GRHL2: variants seen among roughly 807,000 people sequenced by gnomAD.
GRHL2 encodes the protein grainyhead-like protein 2 homolog.
In GRHL2, 21 loss-of-function variants were observed where a neutral mutation model predicts 83.8. That is an observed-to-expected ratio of 0.25 (90% CI 0.18 to 0.36). The LOEUF (loss-of-function observed/expected upper bound fraction) is 0.36, where lower values mean the gene tolerates loss of function less well. Ranked by LOEUF, GRHL2 falls within the 10% of genes least tolerant of loss-of-function variation. The pLI is 1.00. For missense variants in GRHL2, 623 were observed against 781.8 expected, an observed-to-expected ratio of 0.80 and a Z score of 2.42; for synonymous variants, 280 against 278.9, an observed-to-expected ratio of 1.00 and a Z score of -0.04.
At chr8:101,520,273 A>G (rs112459197) in intron 1 of GRHL2, among the ~76,000 whole-genome samples, 8 of 152,358 alleles carry the variant, frequency 5.3e-5, no homozygotes, top group African/African-American at 1.9e-4. Flanking sequence ...TGATTCACGT[A>G]GTATGTGAGG....
chr8:101,644,475 C>T (rs575376937), intron 13 of GRHL2, among the ~76,000 whole-genome samples: 1 of 152,228 alleles, frequency 6.6e-6, no homozygotes, highest in Non-Finnish European at 1.5e-5. Context: ...TAAACAGACT[C>T]ATCCAGCAGC....
intron 1 of GRHL2, among the ~76,000 whole-genome samples, chr8:101,509,599 C>T (rs1012608722): frequency 1.3e-5 from 2 of 152,054 alleles, no homozygotes; most frequent in Non-Finnish European, 2.9e-5. Flanking sequence ...ATTATTGAGG[C>T]TATTTTCTTC....
intron 8 of GRHL2, among the ~76,000 whole-genome samples, chr8:101,617,505 TTTTA>T (rs1812879675): frequency 6.6e-6 from 1 of 152,142 alleles, no homozygotes; most frequent in Admixed American, 6.6e-5. Flanking sequence ...AAGGCTTTTA[TTTTA>T]TTTATTTATT....
chr8:101,542,180 C>T (rs1811167102), intron 1 of GRHL2, among the ~76,000 whole-genome samples: 1 of 152,128 alleles, frequency 6.6e-6, no homozygotes, highest in East Asian at 1.9e-4. Flanking sequence ...TAATCATTAG[C>T]ATATTGATTA....
chr8:101,657,970 A>G (rs1431156965), intron 14 of GRHL2, among the ~76,000 whole-genome samples: 2 of 152,194 alleles, frequency 1.3e-5, no homozygotes, highest in Non-Finnish European at 2.9e-5. Context: ...TGTGTGGGTG[A>G]TCTCATCCAG....
chr8:101,621,757 G>T (rs1009604306), intron 9 of GRHL2, among the ~76,000 whole-genome samples: 1 of 152,066 alleles, frequency 6.6e-6, no homozygotes, highest in Admixed American at 6.6e-5. Context: ...AATTAGCCAG[G>T]TTCAGTGATG....
At chr8:101,635,728 T>A (rs1291969995) in intron 11 of GRHL2, among the ~76,000 whole-genome samples, 1 of 152,194 alleles carries the variant, frequency 6.6e-6, no homozygotes, top group African/African-American at 2.4e-5. Context: ...ACCTCCACTG[T>A]TTTCTGTTTA....
chr8:101,498,413 C>G (rs1294631007), intron 1 of GRHL2, among the ~76,000 whole-genome samples: 7 of 152,202 alleles, frequency 4.6e-5, no homozygotes, highest in African/African-American at 1.7e-4. Flanking sequence ...AGCCGCCATG[C>G]TTGGTGTTCA....
At chr8:101,543,888 C>A in intron 2 of GRHL2, 1 of 209,748 alleles carries the variant, frequency 4.8e-6, no homozygotes, top group Non-Finnish European at 9.6e-6. Flanking sequence ...GCTGGGGAGG[C>A]CTCAGAATCA....
chr8:101,652,386 TGTGTGTGTGTGTCTG>T (rs1813658449), intron 14 of GRHL2, among the ~76,000 whole-genome samples: 1 of 17,390 alleles, frequency 5.8e-5, no homozygotes, highest in African/African-American at 2.6e-4. Flanking sequence ...GTGTGTGTGG[TGTGTGTGTGTGTCTG>T]GTGTGTGTGT....
intron 7 of GRHL2, among the ~76,000 whole-genome samples, chr8:101,593,632 T>C (rs1198682438): frequency 1.3e-5 from 2 of 152,130 alleles, no homozygotes; most frequent in African/African-American, 4.8e-5. Flanking sequence ...AAAAATGATA[T>C]GTCCTCGTCC....
At position 101,492,538 on chromosome 8, in the gene GRHL2, G is replaced by T; in HGVS notation, c.-232G>T. On this transcript the variant is annotated 5_prime_UTR_variant, in exon 1 of 16. Coordinates refer to ENST00000646743, the MANE Select transcript of GRHL2 (RefSeq NM_024915.4). ...CTCCGCGCCGCCCGGCCGCCTCCGAGCTCGGGCCCCATGTGAGGGGCCCCC... is the reference window on the plus strand; with the variant it reads ...CTCCGCGCCGCCCGGCCGCCTCCGATCTCGGGCCCCATGTGAGGGGCCCCC... 3.2e-6 allele frequency: 2 copies of T among 621,792 alleles called. No individual in the cohort carries two copies. The highest frequency in any genetic ancestry group is 2.7e-5 in the Admixed American group (1 of 36,504). The allele number at this position is 621,792 out of a possible 1,614,324, so 38.5% of individuals were successfully genotyped here. A position where few individuals can be genotyped will look rare whatever the true frequency, so the allele number is the denominator to read the frequency against.
chr8:101,592,100 C>CTTTTTTTTTTTTTTTTTTTT (rs11382067), intron 7 of GRHL2, among the ~76,000 whole-genome samples: 12 of 90,310 alleles, frequency 1.3e-4, no homozygotes, highest in South Asian at 4.3e-4. Flanking sequence ...TCTTTCTTTT[C>CTTTTTTTTTTTTTTTTTTTT]TTTTTTTTTT....
rs538348055 is a variant in GRHL2 at position 101,646,735 on chromosome 8, G to A, written c.1612+2510G>A. ...GAGTCCCTTGGGGGCTGCCCATGTG[G>A]CCACCTGCCTTTGGCTGCACAATGC... On this transcript the variant is annotated intron_variant, in intron 13 of 15. Coordinates refer to ENST00000646743, the MANE Select transcript of GRHL2 (RefSeq NM_024915.4). 3.3e-5 allele frequency among the ~76,000 whole-genome samples: 5 copies of A among 152,340 alleles called. No individual in the cohort carries two copies. The South Asian group carries it at 1.0e-3, about 32-fold the overall frequency.
At chr8:101,499,995 G>C (rs896645329) in intron 1 of GRHL2, among the ~76,000 whole-genome samples, 4 of 152,108 alleles carry the variant, frequency 2.6e-5, no homozygotes, top group African/African-American at 9.7e-5. Flanking sequence ...AGAATCGCTT[G>C]AACACAGGAG....
rs1442822188 is a variant in GRHL2, at chr8:101,564,366, CG to C, written c.678+5557del. Among the ~76,000 whole-genome samples, 3 of 152,212 alleles carry C rather than the reference CG, an allele frequency of 2.0e-5. No homozygotes were observed. The East Asian group carries it at 5.8e-4, about 29-fold the overall frequency. ...GCAAACTATTAAAATATCTAGAACC[CG>C]GGTTGAATAATCAAATTTATTTTGC... On this transcript the variant is annotated intron_variant, in intron 4 of 15. Coordinates refer to ENST00000646743, the MANE Select transcript of GRHL2 (RefSeq NM_024915.4).
intron 15 of GRHL2, among the ~76,000 whole-genome samples, chr8:101,665,754 G>A (rs1395349519): frequency 1.3e-5 from 2 of 152,170 alleles, no homozygotes; most frequent in Non-Finnish European, 2.9e-5. Context: ...GATAAACTGA[G>A]GCTCTGAAAG....
chr8:101,507,604 T>C (rs925767862), intron 1 of GRHL2, among the ~76,000 whole-genome samples: 1 of 152,142 alleles, frequency 6.6e-6, no homozygotes, highest in Admixed American at 6.5e-5. Context: ...GTAACATTTT[T>C]TAAATTGATA....
At chr8:101,567,675 T>C (rs1315958752) in intron 4 of GRHL2, among the ~76,000 whole-genome samples, 2 of 152,202 alleles carry the variant, frequency 1.3e-5, no homozygotes, top group Non-Finnish European at 2.9e-5. Context: ...TTCTTCACAG[T>C]TCTTGTCCTC....
Sources: gnomAD v4.1 joint callset for allele counts (sites outside exome capture counted in the v4.1 genomes callset) on GRCh38, gnomAD v4.1.1 for gene constraint, MANE v1.5 for transcripts, NCBI Gene and HGNC (gene_info 2026-07-23, HGNC 2026-07-21) for gene names.